LINGO2: variants seen among roughly 807,000 people sequenced by gnomAD.
LINGO2 encodes the protein leucine rich repeat and Ig domain containing 2.
In LINGO2, 14 loss-of-function variants were observed where a neutral mutation model predicts 30.6. That is an observed-to-expected ratio of 0.46 (90% CI 0.30 to 0.72). The LOEUF (loss-of-function observed/expected upper bound fraction) is 0.72, where lower values mean the gene tolerates loss of function less well. Among genes scored for constraint, LINGO2 ranks in the 30% least tolerant of loss-of-function variants. LINGO2 has a pLI of 0.07. For synonymous variants in LINGO2, 317 were observed against 288.5 expected, an observed-to-expected ratio of 1.10 and a Z score of -1.00; for missense variants, 729 against 751.7, an observed-to-expected ratio of 0.97 and a Z score of 0.35.
At chr9:28,243,565 C>T (rs1007561447) in intron 4 of LINGO2, among the ~76,000 whole-genome samples, 12 of 151,246 alleles carry the variant, frequency 7.9e-5, no homozygotes, top group African/African-American at 2.9e-4. Flanking sequence ...TGCAAAGATA[C>T]CATAGGCTCA....
intron 4 of LINGO2, among the ~76,000 whole-genome samples, chr9:28,188,378 A>G (rs1819619025): frequency 6.6e-6 from 1 of 152,280 alleles, no homozygotes; most frequent in Admixed American, 6.5e-5. Flanking sequence ...TGACTTGCAC[A>G]TTTATAAATA....
chr9:28,672,067 A>G (rs1416436968), upstream of LINGO2, among the ~76,000 whole-genome samples: 2 of 152,142 alleles, frequency 1.3e-5, no homozygotes, highest in Non-Finnish European at 2.9e-5. Flanking sequence ...AAATAAATTC[A>G]GTAGAGTGAA....
At chr9:28,806,918 T>C in the LINGO2 span, among the ~76,000 whole-genome samples, 1 of 152,002 alleles carries the variant, frequency 6.6e-6, no homozygotes. Flanking sequence ...ATATTAAAAT[T>C]GTTTCTATAT....
the LINGO2 span, among the ~76,000 whole-genome samples, chr9:29,044,618 CA>C: frequency 1.3e-5 from 2 of 151,980 alleles, no homozygotes; most frequent in Non-Finnish European, 2.9e-5. Context: ...GGGATATTCT[CA>C]AAAATATATT....
At chr9:28,530,007 G>T (rs140780516) in intron 1 of LINGO2, among the ~76,000 whole-genome samples, 2 of 151,952 alleles carry the variant, frequency 1.3e-5, no homozygotes, top group African/African-American at 2.4e-5. Context: ...CAGCTTCATC[G>T]TGTTATGATT....
At chr9:28,992,642 A>G in the LINGO2 span, among the ~76,000 whole-genome samples, 1 of 152,216 alleles carries the variant, frequency 6.6e-6, no homozygotes, top group Non-Finnish European at 1.5e-5. Flanking sequence ...AATGTAAAAG[A>G]ACAGAAATTA....
chr9:28,571,988 G>T (rs1425865312), intron 1 of LINGO2, among the ~76,000 whole-genome samples: 2 of 151,982 alleles, frequency 1.3e-5, no homozygotes, highest in African/African-American at 4.8e-5. Context: ...ATGCAGGATT[G>T]CCATAACCAC....
At chr9:28,448,426 T>C (rs1404644954) in intron 2 of LINGO2, among the ~76,000 whole-genome samples, 2 of 152,276 alleles carry the variant, frequency 1.3e-5, no homozygotes, top group East Asian at 3.9e-4. Flanking sequence ...AAGGCTCATA[T>C]TTTGAACTCT....
At chr9:29,075,772 G>C in the LINGO2 span, among the ~76,000 whole-genome samples, 1 of 151,938 alleles carries the variant, frequency 6.6e-6, no homozygotes, top group Admixed American at 6.6e-5. Flanking sequence ...ACAAAAAAGG[G>C]AACAAAAAAG....
intron 4 of LINGO2, among the ~76,000 whole-genome samples, chr9:28,073,764 A>T (rs768973007): frequency 2.6e-4 from 40 of 152,204 alleles, no homozygotes; most frequent in Middle Eastern, 3.2e-3. Context: ...GCAGTGGCTC[A>T]TGCTTATAAT....
At chr9:28,863,645 T>G in the LINGO2 span, 38 of 532,708 alleles carry the variant, frequency 7.1e-5, no homozygotes, top group Middle Eastern at 6.3e-4. Flanking sequence ...ATGAATTACT[T>G]TGTAAACCAC....
chr9:28,024,306 T>C (rs554978174), intron 4 of LINGO2, among the ~76,000 whole-genome samples: 1 of 152,288 alleles, frequency 6.6e-6, no homozygotes, highest in African/African-American at 2.4e-5. Flanking sequence ...GGGTGGCATC[T>C]AGTTTGTGCA....
At position 28,349,096 on chromosome 9, in the gene LINGO2, C is replaced by T. The variant is rs1819733260; in HGVS notation, c.-246+23740G>A. ...AAACTCTAAAAAGCAGAGCGCCTCT[C>T]CTCCTCCAAAGGAATGCAGTTCCTC... On this transcript the variant is annotated intron_variant, in intron 3 of 5. Transcript: ENST00000379992. Among the ~76,000 whole-genome samples the T allele has an allele frequency of 2.0e-5, 3 of 152,142 alleles. No homozygotes were observed. The South Asian group carries it at 6.2e-4, about 32-fold the overall frequency.
chr9:28,809,535 G>A, the LINGO2 span, among the ~76,000 whole-genome samples: 1 of 152,166 alleles, frequency 6.6e-6, no homozygotes, highest in Non-Finnish European at 1.5e-5. Flanking sequence ...CACGAGGACA[G>A]GAGTTCGGGA....
chr9:28,964,118 A>G, the LINGO2 span, among the ~76,000 whole-genome samples: 1 of 152,054 alleles, frequency 6.6e-6, no homozygotes, highest in South Asian at 2.1e-4. Context: ...GCATATATAT[A>G]TATACACACA....
the LINGO2 span, among the ~76,000 whole-genome samples, chr9:28,915,373 A>C: frequency 2.6e-5 from 4 of 152,246 alleles, no homozygotes; most frequent in Non-Finnish European, 5.9e-5. Flanking sequence ...TTACTGGGTC[A>C]CTGCAGAGTT....
chr9:28,665,467 C>T (rs1409352055), intron 1 of LINGO2, among the ~76,000 whole-genome samples: 1 of 151,954 alleles, frequency 6.6e-6, no homozygotes, highest in African/African-American at 2.4e-5. Context: ...AAATGAGTTG[C>T]CCTAAAAAAC....
At chr9:28,200,798 A>C (rs1177378866) in intron 4 of LINGO2, among the ~76,000 whole-genome samples, 1 of 152,230 alleles carries the variant, frequency 6.6e-6, no homozygotes, top group African/African-American at 2.4e-5. Context: ...TTTAAAGTCC[A>C]GTGATAAAAA....
intron 1 of LINGO2, among the ~76,000 whole-genome samples, chr9:28,569,455 T>A (rs1309746338): frequency 6.6e-6 from 1 of 151,306 alleles, no homozygotes; most frequent in Non-Finnish European, 1.5e-5. Flanking sequence ...TATTCAGCCT[T>A]CAACAATAGG....
Sources: gnomAD v4.1 joint callset for allele counts (sites outside exome capture counted in the v4.1 genomes callset) on GRCh38, gnomAD v4.1.1 for gene constraint, MANE v1.5 for transcripts, NCBI Gene and HGNC (gene_info 2026-07-23, HGNC 2026-07-21) for gene names.